The following SASH1 variants were observed in gnomAD, a reference collection of about 807,000 sequenced individuals.
SASH1 encodes SAM and SH3 domain containing 1.
A neutral mutation model predicts 125.2 loss-of-function variants in SASH1; 44 were observed. That is an observed-to-expected ratio of 0.35 (90% CI 0.28 to 0.45). The LOEUF is 0.45. Ranked by LOEUF, SASH1 falls within the 20% of genes least tolerant of loss-of-function variation. The pLI is 1.00. For missense variants in SASH1, 1,426 were observed against 1,614.5 expected (o/e 0.88, Z 2.00); for synonymous variants, 639 against 649.1 (o/e 0.98, Z 0.24).
the SASH1 span, among the ~76,000 whole-genome samples, chr6:148,260,264 AT>A: frequency 6.6e-6 from 1 of 152,150 alleles, no homozygotes; most frequent in Non-Finnish European, 1.5e-5. Context: ...AAGAAGCTTA[AT>A]TTTTATATTA....
At chr6:148,441,353 G>A (rs1417831737) in intron 4 of SASH1, among the ~76,000 whole-genome samples, 1 of 152,222 alleles carries the variant, frequency 6.6e-6, no homozygotes, top group African/African-American at 2.4e-5. Context: ...TTGCCAGAAA[G>A]CTATAATTCT....
chr6:148,332,835 A>C (rs1781034591), intron 1 of SASH1, among the ~76,000 whole-genome samples: 1 of 151,982 alleles, frequency 6.6e-6, no homozygotes, highest in African/African-American at 2.4e-5. Flanking sequence ...AAAATACAAA[A>C]AATTAGCTGG....
intron 4 of SASH1, among the ~76,000 whole-genome samples, chr6:148,443,143 G>T (rs1053515335): frequency 3.9e-5 from 5 of 129,428 alleles, no homozygotes; most frequent in South Asian, 2.8e-4. Flanking sequence ...GCACTTTTTA[G>T]AAAAAAAAAA....
Position 148,447,201 on chromosome 6 carries a change from A to C in SASH1, c.386+6794A>C, listed in dbSNP as rs552813391. On this transcript the variant is annotated intron_variant, in intron 4 of 19. Transcript: ENST00000367467. ...GTTGAACATTCACTGATTTAGTTTC[A>C]CTTTTTTTCATTATCTGTGGCTACA... is the stretch of plus-strand genomic sequence containing the variant. Among the ~76,000 whole-genome samples the C allele has an allele frequency of 3.3e-5, 5 of 152,320 alleles. No homozygotes were observed. In the East Asian group the frequency reaches 7.7e-4, roughly 24 times the overall value.
At chr6:148,485,295 G>A (rs184339572) in intron 7 of SASH1, among the ~76,000 whole-genome samples, 73 of 152,228 alleles carry the variant, frequency 4.8e-4, no homozygotes, top group Admixed American at 2.6e-3. Flanking sequence ...TATCAAAATG[G>A]AGAGAACATC....
rs745758243 is a variant in SASH1, at chr6:148,546,089, C to T, written c.3423C>T (p.Val1141=). ...ACTTGGATCAGCCCGAGCGGGACGT[C>T]GCCGCCAACATGGACCAGATCCGGG... ...AEDLDQPERD[V]AANMDQIRVK... Residue 1141 remains valine, a synonymous_variant, in exon 19 of 20, where the codon GTC becomes GTT. Coordinates refer to ENST00000367467, the MANE Select transcript of SASH1 (RefSeq NM_015278.5). 9.3e-6 allele frequency: 15 copies of T among 1,614,118 alleles called. No individual in the cohort carries two copies. Among genetic ancestry groups the T allele is most frequent in the African/African-American group, 1.3e-5 (1 of 74,952 alleles).
intron 1 of SASH1, among the ~76,000 whole-genome samples, chr6:148,303,960 T>C (rs1047202962): frequency 6.6e-6 from 1 of 152,038 alleles, no homozygotes. Flanking sequence ...CAGAAGGCAA[T>C]GTATGGCTCT....
chr6:148,279,762 A>G (rs1194414125), intron 1 of SASH1, among the ~76,000 whole-genome samples: 1 of 152,088 alleles, frequency 6.6e-6, no homozygotes, highest in Non-Finnish European at 1.5e-5. Flanking sequence ...TGGGAGGCTG[A>G]GGTAGGCAGA....
At chr6:148,250,442 T>C in the SASH1 span, among the ~76,000 whole-genome samples, 1 of 152,144 alleles carries the variant, frequency 6.6e-6, no homozygotes, top group Non-Finnish European at 1.5e-5. Flanking sequence ...GGTTCTTAAG[T>C]AATCAGCCAT....
intron 1 of SASH1, among the ~76,000 whole-genome samples, chr6:148,303,782 AAAATAAATAAAT>A (rs201590424): frequency 0.019 from 2,828 of 147,366 alleles, 84 homozygotes; most frequent in African/African-American, 0.065. Flanking sequence ...CTGTCTCAAC[AAAATAAATAAAT>A]AAATAAATAA....
intron 7 of SASH1, among the ~76,000 whole-genome samples, chr6:148,483,138 C>G (rs893456170): frequency 2.6e-5 from 4 of 152,128 alleles, no homozygotes; most frequent in African/African-American, 9.7e-5. Flanking sequence ...TTATTTGGCT[C>G]ATGATTCTAC....
chr6:148,227,545 A>T, the SASH1 span, among the ~76,000 whole-genome samples: 1 of 152,114 alleles, frequency 6.6e-6, no homozygotes, highest in Non-Finnish European at 1.5e-5. Context: ...TTTAGTAGAG[A>T]TGGGGTTTCA....
At chr6:148,195,554 T>C in the SASH1 span, among the ~76,000 whole-genome samples, 1 of 152,228 alleles carries the variant, frequency 6.6e-6, no homozygotes, top group African/African-American at 2.4e-5. Flanking sequence ...CAAACTGCCA[T>C]TTTGAAAATT....
At chr6:148,431,573 G>C (rs1337723502) in intron 2 of SASH1, among the ~76,000 whole-genome samples, 1 of 152,118 alleles carries the variant, frequency 6.6e-6, no homozygotes, top group African/African-American at 2.4e-5. Context: ...AGTCAGACAA[G>C]AGTGGAATGA....
chr6:148,488,990 A>G (rs754053228), intron 8 of SASH1, among the ~76,000 whole-genome samples: 4 of 151,980 alleles, frequency 2.6e-5, no homozygotes, highest in Non-Finnish European at 5.9e-5. Flanking sequence ...TAGTGTGTCT[A>G]TTTGTTTTTT....
At chr6:148,223,572 G>A in the SASH1 span, among the ~76,000 whole-genome samples, 9 of 152,146 alleles carry the variant, frequency 5.9e-5, 1 homozygote, top group East Asian at 1.4e-3. Context: ...AACAATGTTC[G>A]CTCATGTAAC....
chr6:148,290,466 C>A (rs946650196), intron 1 of SASH1, among the ~76,000 whole-genome samples: 2 of 151,636 alleles, frequency 1.3e-5, no homozygotes, highest in Admixed American at 1.3e-4. Context: ...ATTAGCCGGG[C>A]GTGGTGGCAG....
At chr6:148,443,620 G>A (rs1359805471) in intron 4 of SASH1, among the ~76,000 whole-genome samples, 1 of 151,638 alleles carries the variant, frequency 6.6e-6, no homozygotes, top group African/African-American at 2.4e-5. Context: ...GCCTGAATCA[G>A]TGTTACTGTG....
At chr6:148,239,497 A>T in the SASH1 span, among the ~76,000 whole-genome samples, 1 of 152,138 alleles carries the variant, frequency 6.6e-6, no homozygotes, top group African/African-American at 2.4e-5. Context: ...AACCTTCTTC[A>T]TTCTCAAAAT....
Sources: allele counts gnomAD v4.1 joint callset (sites outside exome capture counted in the v4.1 genomes callset), GRCh38; gene constraint gnomAD v4.1.1; transcripts MANE v1.5; gene names NCBI Gene and HGNC (gene_info 2026-07-23, HGNC 2026-07-21).